IMMP2L: variants seen among roughly 807,000 people sequenced by gnomAD.
The protein encoded by IMMP2L is mitochondrial inner membrane protease subunit 2.
In IMMP2L, 18 loss-of-function variants were observed where a neutral mutation model predicts 19.3. That is an observed-to-expected ratio of 0.93 (90% CI 0.64 to 1.38). The LOEUF is 1.38. Among genes scored for constraint, IMMP2L ranks in the 40% most tolerant of loss-of-function variants. The pLI is 0.00. For missense variants in IMMP2L, 233 were observed against 218.2 expected, an observed-to-expected ratio of 1.07 and a Z score of -0.43; for synonymous variants, 76 against 73.0, an observed-to-expected ratio of 1.04 and a Z score of -0.21.
At chr7:111,161,022 T>C (rs1805201753) in intron 3 of IMMP2L, among the ~76,000 whole-genome samples, 1 of 151,730 alleles carries the variant, frequency 6.6e-6, no homozygotes, top group Non-Finnish European at 1.5e-5. Context: ...TTATAAAATA[T>C]AGTCGATCTC....
chr7:111,238,353 G>A (rs2129627974), intron 3 of IMMP2L, among the ~76,000 whole-genome samples: 1 of 152,056 alleles, frequency 6.6e-6, no homozygotes, highest in East Asian at 1.9e-4. Context: ...GTTTGACTTT[G>A]GGCAAGTTAC....
At chr7:111,481,841 A>G (rs1290369340) in intron 3 of IMMP2L, among the ~76,000 whole-genome samples, 2 of 152,202 alleles carry the variant, frequency 1.3e-5, no homozygotes, top group Non-Finnish European at 2.9e-5. Context: ...GTGTTATCAA[A>G]TAGAAATAAA....
intron 2 of IMMP2L, among the ~76,000 whole-genome samples, chr7:111,513,141 T>C (rs1845599111): frequency 6.6e-6 from 1 of 152,048 alleles, no homozygotes; most frequent in Non-Finnish European, 1.5e-5. Flanking sequence ...GAAAAGTTTC[T>C]GAAGAGAGAA....
At chr7:111,508,025 G>A (rs905333853) in intron 2 of IMMP2L, among the ~76,000 whole-genome samples, 2 of 152,082 alleles carry the variant, frequency 1.3e-5, no homozygotes, top group South Asian at 2.1e-4. Context: ...AAATCAATGA[G>A]GGAGGCCTGA....
intron 3 of IMMP2L, among the ~76,000 whole-genome samples, chr7:111,432,092 T>C (rs1455094301): frequency 6.6e-6 from 1 of 151,508 alleles, no homozygotes; most frequent in Non-Finnish European, 1.5e-5. Context: ...TTGAGACTGG[T>C]AGAGGAGGAA....
chr7:111,399,007 T>C (rs1263013958), intron 3 of IMMP2L, among the ~76,000 whole-genome samples: 1 of 152,020 alleles, frequency 6.6e-6, no homozygotes, highest in Non-Finnish European at 1.5e-5. Flanking sequence ...ACACATCCCA[T>C]GCTCATGGAT....
At chr7:110,775,179 G>A (rs1482450173) in intron 5 of IMMP2L, among the ~76,000 whole-genome samples, 1 of 151,650 alleles carries the variant, frequency 6.6e-6, no homozygotes, top group Non-Finnish European at 1.5e-5. Context: ...TTGATAATGA[G>A]ATCATGCCTG....
chr7:111,125,880 T>C (rs940690921), intron 3 of IMMP2L, among the ~76,000 whole-genome samples: 1 of 145,944 alleles, frequency 6.9e-6, no homozygotes, highest in African/African-American at 2.6e-5. Flanking sequence ...AGGAGTGCAG[T>C]GGCAAAACCT....
chr7:111,189,124 G>A (rs528196743), intron 3 of IMMP2L, among the ~76,000 whole-genome samples: 1 of 152,208 alleles, frequency 6.6e-6, no homozygotes, highest in South Asian at 2.1e-4. Context: ...CCACTCAGAA[G>A]AAATAAGATA....
chr7:111,341,633 A>G (rs1344284685), intron 3 of IMMP2L, among the ~76,000 whole-genome samples: 1 of 152,206 alleles, frequency 6.6e-6, no homozygotes, highest in East Asian at 1.9e-4. Flanking sequence ...AACATATGAA[A>G]TATTTAAACA....
At chr7:110,936,652 A>G (rs1344627844) in intron 4 of IMMP2L, among the ~76,000 whole-genome samples, 1 of 152,186 alleles carries the variant, frequency 6.6e-6, no homozygotes, top group Non-Finnish European at 1.5e-5. Context: ...TGATTCCTCA[A>G]GGATCTAGAA....
chr7:111,043,424 A>G (rs1340932809), intron 3 of IMMP2L, among the ~76,000 whole-genome samples: 1 of 152,234 alleles, frequency 6.6e-6, no homozygotes, highest in Non-Finnish European at 1.5e-5. Context: ...TTATTTATAC[A>G]GTACTCAAAA....
chr7:111,275,714 G>A (rs1355324259), intron 3 of IMMP2L, among the ~76,000 whole-genome samples: 5 of 152,070 alleles, frequency 3.3e-5, no homozygotes, highest in Non-Finnish European at 7.4e-5. Context: ...TGTTATCTAT[G>A]ATTTCTTTCA....
intron 5 of IMMP2L, among the ~76,000 whole-genome samples, chr7:110,858,298 C>T (rs987997445): frequency 2.0e-5 from 3 of 152,054 alleles, no homozygotes; most frequent in African/African-American, 4.8e-5. Context: ...TGCAGAAATA[C>T]AGTAGGTCTA....
At chr7:110,889,391 T>C (rs886490796) in intron 4 of IMMP2L, among the ~76,000 whole-genome samples, 4 of 152,106 alleles carry the variant, frequency 2.6e-5, no homozygotes, top group African/African-American at 9.7e-5. Flanking sequence ...TGACAGATCA[T>C]CAGGTATAAG....
intron 5 of IMMP2L, among the ~76,000 whole-genome samples, chr7:110,855,009 G>A (rs781301744): frequency 6.6e-6 from 1 of 151,916 alleles, no homozygotes; most frequent in Non-Finnish European, 1.5e-5. Context: ...CTCATGAAAG[G>A]ACAGTTATAA....
At chr7:111,275,135 A>G (rs1818882007) in intron 3 of IMMP2L, among the ~76,000 whole-genome samples, 1 of 152,274 alleles carries the variant, frequency 6.6e-6, no homozygotes, top group East Asian at 1.9e-4. Flanking sequence ...TAGGAATCCC[A>G]TGGAGGCTCC....
intron 3 of IMMP2L, among the ~76,000 whole-genome samples, chr7:111,328,675 C>T (rs1318683231): frequency 1.3e-5 from 2 of 151,710 alleles, no homozygotes; most frequent in Non-Finnish European, 2.9e-5. Flanking sequence ...GTGGGATGTT[C>T]ATAATGCTGA....
At chr7:110,890,739 A>G (rs191264422) in intron 4 of IMMP2L, among the ~76,000 whole-genome samples, 1 of 152,180 alleles carries the variant, frequency 6.6e-6, no homozygotes, top group Non-Finnish European at 1.5e-5. Flanking sequence ...TGGTACTCTA[A>G]CTACCTGTCT....
Sources: allele counts gnomAD v4.1 joint callset (sites outside exome capture counted in the v4.1 genomes callset), GRCh38; gene constraint gnomAD v4.1.1; transcripts MANE v1.5; gene names NCBI Gene and HGNC (gene_info 2026-07-23, HGNC 2026-07-21).